The following RAP1GDS1 variants were observed in gnomAD, a reference collection of about 807,000 sequenced individuals.
RAP1GDS1 encodes Rap1 GTPase-GDP dissociation stimulator 1.
A neutral mutation model predicts 71.1 loss-of-function variants in RAP1GDS1; 35 were observed. That is an observed-to-expected ratio of 0.49 (90% CI 0.38 to 0.65). The LOEUF (loss-of-function observed/expected upper bound fraction) is 0.65, where lower values mean the gene tolerates loss of function less well. RAP1GDS1 is among the 30% of genes least tolerant of loss of function. The probability of loss-of-function intolerance (pLI) is 0.00; values close to 1 mark genes in which losing one functional copy is unlikely to be tolerated. For missense variants in RAP1GDS1, 663 were observed against 706.1 expected (o/e 0.94, Z 0.69); for synonymous variants, 229 against 243.1 (o/e 0.94, Z 0.54).
intron 2 of RAP1GDS1, among the ~76,000 whole-genome samples, chr4:98,306,329 A>G (rs777363565): frequency 2.0e-5 from 3 of 152,198 alleles, no homozygotes; most frequent in Non-Finnish European, 4.4e-5. Flanking sequence ...TACCTCATTG[A>G]TGGTACCTTT....
chr4:98,336,256 C>G (rs1182691584), intron 2 of RAP1GDS1, among the ~76,000 whole-genome samples: 3 of 152,128 alleles, frequency 2.0e-5, no homozygotes, highest in African/African-American at 7.2e-5. Flanking sequence ...GTCATTAACA[C>G]ATTTCCTCAT....
In RAP1GDS1 at chr4:98,417,400, A is replaced by T. The variant is rs912798146; in HGVS notation, c.941A>T (p.Lys314Ile). Residue 314 changes from lysine (K) to isoleucine (I), a missense_variant, in exon 9 of 15, where the codon AAA (lysine) becomes ATA (isoleucine). By Grantham distance (102) the Lys-to-Ile change is moderately radical. Coordinates refer to ENST00000408927, the MANE Select transcript of RAP1GDS1 (RefSeq NM_001100427.2). ...ESMQKLFEGG[K>I]GSVFQRVLSW... ...ATGCAGAAGTTATTTGAAGGAGGAA[A>T]AGGTAGTGTATTTCAAAGGGTACTC... 4.3e-6 allele frequency: 7 copies of T among 1,612,768 alleles called. No homozygotes were observed. The highest frequency in any genetic ancestry group is 5.9e-6 in the Non-Finnish European group (7 of 1,179,012).
chr4:98,280,137 C>A (rs1193103750), intron 1 of RAP1GDS1, among the ~76,000 whole-genome samples: 1 of 152,166 alleles, frequency 6.6e-6, no homozygotes, highest in African/African-American at 2.4e-5. Context: ...AATGGGATTG[C>A]TGGGTCAAAT....
intron 6 of RAP1GDS1, among the ~76,000 whole-genome samples, chr4:98,394,932 C>T (rs934631377): frequency 3.3e-5 from 5 of 152,068 alleles, no homozygotes; most frequent in African/African-American, 4.8e-5. Flanking sequence ...GTTCTTATCA[C>T]CACTTATTGT....
intron 2 of RAP1GDS1, among the ~76,000 whole-genome samples, chr4:98,323,979 A>C (rs1281161051): frequency 2.0e-5 from 3 of 148,266 alleles, no homozygotes; most frequent in Admixed American, 6.8e-5. Context: ...GAGGAAGTCA[A>C]ATTGTCCCTG....
chr4:98,325,393 A>T (rs1273171038), intron 2 of RAP1GDS1, among the ~76,000 whole-genome samples: 3 of 150,994 alleles, frequency 2.0e-5, no homozygotes, highest in Admixed American at 6.6e-5. Context: ...AACTAGAAAT[A>T]CCATTTGACC....
At chr4:98,368,408 C>G (rs1371329577) in intron 4 of RAP1GDS1, among the ~76,000 whole-genome samples, 1 of 152,070 alleles carries the variant, frequency 6.6e-6, no homozygotes, top group Admixed American at 6.5e-5. Context: ...ATATTATGCA[C>G]TGCTTTTTAA....
intron 6 of RAP1GDS1, among the ~76,000 whole-genome samples, chr4:98,395,694 G>C (rs1245161956): frequency 6.6e-6 from 1 of 152,080 alleles, no homozygotes; most frequent in African/African-American, 2.4e-5. Flanking sequence ...TACTCTTTAG[G>C]ATAGCCAAAG....
intron 2 of RAP1GDS1, among the ~76,000 whole-genome samples, chr4:98,322,702 A>C (rs1732154931): frequency 1.0e-5 from 1 of 96,430 alleles, no homozygotes; most frequent in Non-Finnish European, 1.9e-5. Context: ...GGCAGAAATA[A>C]AGATGTTCTT....
chr4:98,276,331 C>T (rs1339777025), intron 1 of RAP1GDS1, among the ~76,000 whole-genome samples: 1 of 152,074 alleles, frequency 6.6e-6, no homozygotes, highest in Non-Finnish European at 1.5e-5. Context: ...CACAAACATT[C>T]CATCTATAAC....
chr4:98,297,487 G>C (rs1185807949), intron 2 of RAP1GDS1, among the ~76,000 whole-genome samples: 3 of 152,034 alleles, frequency 2.0e-5, no homozygotes, highest in Non-Finnish European at 2.9e-5. Context: ...GTCACATTAT[G>C]GTAATTCTTG....
At chr4:98,375,633 G>C (rs1741060741) in intron 4 of RAP1GDS1, among the ~76,000 whole-genome samples, 1 of 152,120 alleles carries the variant, frequency 6.6e-6, no homozygotes, top group South Asian at 2.1e-4. Context: ...AGATGCAAGT[G>C]ACAGTTTTTA....
chr4:98,307,337 A>G (rs1729474931), intron 2 of RAP1GDS1, among the ~76,000 whole-genome samples: 1 of 152,010 alleles, frequency 6.6e-6, no homozygotes, highest in Non-Finnish European at 1.5e-5. Context: ...GAAGTTTCCT[A>G]TTATAAATTT....
intron 1 of RAP1GDS1, among the ~76,000 whole-genome samples, chr4:98,270,327 CT>C (rs1723278809): frequency 1.3e-5 from 2 of 152,112 alleles, no homozygotes; most frequent in South Asian, 4.1e-4. Flanking sequence ...CCTGTGATTC[CT>C]TGAAACTGAA....
At chr4:98,433,583 A>G (rs561961992) in intron 12 of RAP1GDS1, among the ~76,000 whole-genome samples, 160 of 152,222 alleles carry the variant, frequency 1.1e-3, no homozygotes, top group African/African-American at 3.7e-3. Flanking sequence ...CCCAGCTGAG[A>G]ACTTTTTTAA....
At chr4:98,347,340 A>G (rs1736437732) in intron 3 of RAP1GDS1, among the ~76,000 whole-genome samples, 1 of 152,188 alleles carries the variant, frequency 6.6e-6, no homozygotes, top group Non-Finnish European at 1.5e-5. Flanking sequence ...AACACTCTAA[A>G]TTTACAAAAG....
At chr4:98,288,714 G>A (rs1341807548) in intron 1 of RAP1GDS1, among the ~76,000 whole-genome samples, 1 of 152,102 alleles carries the variant, frequency 6.6e-6, no homozygotes, top group African/African-American at 2.4e-5. Flanking sequence ...ACTTTTTAAT[G>A]ATCGCCATTC....
At chr4:98,419,295 C>T (rs1748468879) in intron 10 of RAP1GDS1, among the ~76,000 whole-genome samples, 1 of 151,986 alleles carries the variant, frequency 6.6e-6, no homozygotes, top group African/African-American at 2.4e-5. Context: ...CTCAAGCAGT[C>T]CACCCACCTT....
chr4:98,363,039 G>A (rs929637661), intron 4 of RAP1GDS1, among the ~76,000 whole-genome samples: 5 of 152,126 alleles, frequency 3.3e-5, no homozygotes, highest in Non-Finnish European at 7.4e-5. Flanking sequence ...TTTATAGATT[G>A]TGATGACTGA....
Sources: gnomAD v4.1 joint callset for allele counts (sites outside exome capture counted in the v4.1 genomes callset) on GRCh38, gnomAD v4.1.1 for gene constraint, MANE v1.5 for transcripts, NCBI Gene and HGNC (gene_info 2026-07-23, HGNC 2026-07-21) for gene names.